The following CPAP variants were observed in gnomAD, a reference collection of about 807,000 sequenced individuals.
The protein encoded by CPAP is centrosome assembly and centriole elongation protein.
At chr13:24,914,126 AAGG>A in the CPAP span, among the ~76,000 whole-genome samples, 2 of 152,192 alleles carry the variant, frequency 1.3e-5, no homozygotes, top group Non-Finnish European at 2.9e-5. Context: ...CACGTGGGAA[AAGG>A]AGGTTGTAAC....
the CPAP span, chr13:24,905,545 TATTTC>T: frequency 6.2e-7 from 1 of 1,614,114 alleles, no homozygotes; most frequent in Non-Finnish European, 8.5e-7. Flanking sequence ...CCAGGATACC[TATTTC>T]ATTATTAGGG....
At chr13:24,924,199 G>A in the CPAP span, among the ~76,000 whole-genome samples, 98,400 of 151,840 alleles carry the variant, frequency 0.65, 32,558 homozygotes, top group African/African-American at 0.79. Context: ...AGATCACACA[G>A]CTACTTAAGA....
chr13:24,911,719 T>A, the CPAP span, among the ~76,000 whole-genome samples: 6 of 151,340 alleles, frequency 4.0e-5, no homozygotes, highest in Admixed American at 6.6e-5. Flanking sequence ...TTTTTTTTTT[T>A]AATGAATAAA....
chr13:24,899,606 A>G, the CPAP span: 2 of 1,603,566 alleles, frequency 1.2e-6, no homozygotes, highest in South Asian at 1.1e-5. Flanking sequence ...AAACTATGTT[A>G]TCACCTAAGG....
the CPAP span, among the ~76,000 whole-genome samples, chr13:24,907,373 C>T: frequency 6.6e-6 from 1 of 152,166 alleles, no homozygotes; most frequent in Non-Finnish European, 1.5e-5. Flanking sequence ...AATAAAGAAA[C>T]ATACAACACT....
the CPAP span, among the ~76,000 whole-genome samples, chr13:24,898,603 A>C: frequency 1.1e-4 from 16 of 152,330 alleles, no homozygotes; most frequent in South Asian, 1.9e-3. Flanking sequence ...CCAAAACATA[A>C]TGGTACGTTT....
At chr13:24,910,075 G>C in the CPAP span, 2 of 1,612,412 alleles carry the variant, frequency 1.2e-6, no homozygotes, top group Admixed American at 1.7e-5. Context: ...TCATCAGGCA[G>C]TAAACTCAAA....
the CPAP span, chr13:24,899,323 C>T: frequency 2.8e-5 from 19 of 685,786 alleles, no homozygotes; most frequent in African/African-American, 3.4e-4. Context: ...TGGATTGATA[C>T]ACAGTTTTGC....
At chr13:24,885,334 T>TATTC in the CPAP span, 1 of 1,614,046 alleles carries the variant, frequency 6.2e-7, no homozygotes. Context: ...CTCCTCTTTA[T>TATTC]ATTCAGGATC....
At chr13:24,907,205 CAG>C in the CPAP span, 3 of 1,577,270 alleles carry the variant, frequency 1.9e-6, no homozygotes, top group Non-Finnish European at 2.6e-6. Flanking sequence ...TAATTAGAAA[CAG>C]AAAGTTATTT....
the CPAP span, chr13:24,907,334 A>G: frequency 1.5e-6 from 1 of 680,094 alleles, no homozygotes; most frequent in Non-Finnish European, 2.6e-6. Context: ...AGAACCTAAC[A>G]AAAGCCACAA....
chr13:24,925,401 C>T, the CPAP span, among the ~76,000 whole-genome samples: 4 of 152,188 alleles, frequency 2.6e-5, no homozygotes, highest in Non-Finnish European at 5.9e-5. Context: ...GTGGCTCACA[C>T]CTGTAATCCC....
chr13:24,913,111 A>T, the CPAP span: 1 of 1,196,824 alleles, frequency 8.4e-7, no homozygotes, highest in South Asian at 1.3e-5. Flanking sequence ...AAAATAGCCA[A>T]CAAAATGTAT....
the CPAP span, among the ~76,000 whole-genome samples, chr13:24,891,393 G>A: frequency 1.3e-5 from 2 of 152,080 alleles, no homozygotes; most frequent in Admixed American, 6.6e-5. Context: ...CTGCCTAGTC[G>A]GATCTCCTGT....
chr13:24,896,199 T>C, the CPAP span, among the ~76,000 whole-genome samples: 1 of 152,186 alleles, frequency 6.6e-6, no homozygotes, highest in African/African-American at 2.4e-5. Context: ...TTACACATGA[T>C]AACCAAGTAC....
chr13:24,910,262 C>T, the CPAP span, among the ~76,000 whole-genome samples: 8 of 152,336 alleles, frequency 5.3e-5, no homozygotes, highest in Admixed American at 4.6e-4. Context: ...CTCGCTCTGT[C>T]GCCAAGGCTG....
the CPAP span, among the ~76,000 whole-genome samples, chr13:24,898,393 A>T: frequency 6.6e-6 from 1 of 152,166 alleles, no homozygotes; most frequent in African/African-American, 2.4e-5. Flanking sequence ...TGCTACTTTT[A>T]TGTATTTTTG....
chr13:24,892,532 G>T, the CPAP span: 2 of 830,594 alleles, frequency 2.4e-6, no homozygotes, highest in Non-Finnish European at 2.1e-6. Context: ...ACTCCCCACT[G>T]CCCCCCCAGC....
the CPAP span, among the ~76,000 whole-genome samples, chr13:24,926,090 G>C: frequency 6.6e-6 from 1 of 152,156 alleles, no homozygotes; most frequent in Non-Finnish European, 1.5e-5. Flanking sequence ...CCATCGTCCA[G>C]CCAGGGTCTG....
Sources: gnomAD v4.1 joint callset for allele counts (sites outside exome capture counted in the v4.1 genomes callset) on GRCh38, gnomAD v4.1.1 for gene constraint, MANE v1.5 for transcripts, NCBI Gene and HGNC (gene_info 2026-07-23, HGNC 2026-07-21) for gene names.